The following ABCA10 variants were observed in gnomAD, a reference collection of about 807,000 sequenced individuals.
The protein encoded by ABCA10 is ATP binding cassette subfamily A member 10.
Under a neutral mutation model 187.5 loss-of-function variants are expected in ABCA10, and 169 were observed. That is an observed-to-expected ratio of 0.90 (90% CI 0.80 to 1.02). The LOEUF (loss-of-function observed/expected upper bound fraction) is 1.02, where lower values mean the gene tolerates loss of function less well. Ranked by LOEUF, ABCA10 falls within the 50% of genes least tolerant of loss-of-function variation. The pLI, the probability that ABCA10 is intolerant of heterozygous loss-of-function variation, is 0.00. For synonymous variants in ABCA10, 574 were observed against 601.8 expected (o/e 0.95, Z 0.68); for missense variants, 1,727 against 1,812.4 (o/e 0.95, Z 0.86).
At chr17:69,235,758 A>G (rs1029318366) in intron 1 of ABCA10, among the ~76,000 whole-genome samples, 3 of 151,490 alleles carry the variant, frequency 2.0e-5, no homozygotes, top group Non-Finnish European at 2.9e-5. Context: ...TGTATCTCTC[A>G]TGGTTACTGA....
At position 69,154,224 on chromosome 17, in the gene ABCA10, A is replaced by G. The variant is rs778643341; in HGVS notation, c.3786+11T>C. On this transcript the variant is annotated intron_variant, in intron 31 of 38. Coordinates refer to ENST00000690296, the MANE Select transcript of ABCA10 (RefSeq NM_001377321.1). ...ATATTTAAAATAAAATTTCCTTCAC[A>G]TGTCACATACCACTCCTGCAGTTGG... is the stretch of plus-strand genomic sequence containing the variant. 1 of 1,584,298 alleles carries G rather than the reference A, an allele frequency of 6.3e-7. No individual in the cohort carries two copies. Among genetic ancestry groups the G allele is most frequent in the Non-Finnish European group, 8.6e-7 (1 of 1,166,740 alleles).
At chr17:69,205,507 AAAC>A (rs1268076297) in intron 9 of ABCA10, among the ~76,000 whole-genome samples, 1 of 152,210 alleles carries the variant, frequency 6.6e-6, no homozygotes, top group East Asian at 1.9e-4. Context: ...AAAACAGAAT[AAAC>A]AATAAAATAT....
At chr17:69,164,676 T>A (rs952214124) in intron 26 of ABCA10, among the ~76,000 whole-genome samples, 1 of 152,254 alleles carries the variant, frequency 6.6e-6, no homozygotes, top group East Asian at 1.9e-4. Flanking sequence ...TTTATAACAA[T>A]GGAAAAGTTT....
intron 27 of ABCA10, among the ~76,000 whole-genome samples, chr17:69,162,241 A>G (rs76868481): frequency 0.013 from 1,969 of 152,318 alleles, 49 homozygotes; most frequent in African/African-American, 0.045. Context: ...TACAGGAAAT[A>G]AAACATGGCT....
At chr17:69,211,554 G>T (rs1202483412) in intron 9 of ABCA10, among the ~76,000 whole-genome samples, 1 of 151,182 alleles carries the variant, frequency 6.6e-6, no homozygotes, top group Non-Finnish European at 1.5e-5. Flanking sequence ...AATAGGATAG[G>T]TATCAATTCT....
chr17:69,192,781 C>G, intron 15 of ABCA10, 128 bp from the exon 16 acceptor site: 1 of 822,154 alleles, frequency 1.2e-6, no homozygotes, highest in South Asian at 1.8e-5. Flanking sequence ...TCATTAAGCC[C>G]CTGGGTGCAG....
At position 69,148,532 on chromosome 17, in the gene ABCA10, A is replaced by G. The variant is rs1234911054; in HGVS notation, c.*295T>C. 3.0e-5 allele frequency: 7 copies of G among 229,656 alleles called. No individual in the cohort carries two copies. The highest frequency in any genetic ancestry group is 5.1e-5 in the Non-Finnish European group (6 of 117,730). The allele number at this position is 229,656 out of a possible 1,614,324, so 14.2% of individuals were successfully genotyped here. ...AATGTTCTCAGTGTTAGCTTTATTG[A>G]TAATAACCGATAACCAACCTAATAT... On this transcript the variant is annotated 3_prime_UTR_variant, in exon 39 of 39. Coordinates refer to ENST00000690296, the MANE Select transcript of ABCA10 (RefSeq NM_001377321.1).
intron 6 of ABCA10, among the ~76,000 whole-genome samples, chr17:69,217,524 G>C (rs1021846043): frequency 6.6e-6 from 1 of 152,114 alleles, no homozygotes; most frequent in African/African-American, 2.4e-5. Flanking sequence ...TCCTCCAAAG[G>C]CTGAAGAATT....
intron 11 of ABCA10, among the ~76,000 whole-genome samples, chr17:69,195,832 C>T (rs1185058435): frequency 6.6e-6 from 1 of 151,952 alleles, no homozygotes; most frequent in African/African-American, 2.4e-5. Flanking sequence ...ATCCATTTAA[C>T]CCTGAGTGGA....
chr17:69,199,661 C>G (rs933561297), intron 10 of ABCA10, among the ~76,000 whole-genome samples: 1 of 152,166 alleles, frequency 6.6e-6, no homozygotes, highest in South Asian at 2.1e-4. Context: ...CTTAGGAGAC[C>G]TAAATAACCG....
At chr17:69,223,308 T>C (rs903959978) in intron 3 of ABCA10, among the ~76,000 whole-genome samples, 2 of 152,122 alleles carry the variant, frequency 1.3e-5, no homozygotes, top group African/African-American at 4.8e-5. Flanking sequence ...TAGAGGTAAA[T>C]TGTATACAAA....
chr17:69,158,053 AACAAACAAAAG>A (rs2074187584), intron 27 of ABCA10, among the ~76,000 whole-genome samples: 1 of 152,086 alleles, frequency 6.6e-6, no homozygotes, highest in South Asian at 2.1e-4. Flanking sequence ...AAATACTAGA[AACAAACAAAAG>A]ACAAAAGCTC....
Position 69,151,406 on chromosome 17 carries a change from C to T in ABCA10, c.4397+637G>A, listed in dbSNP as rs142896032. On this transcript the variant is annotated intron_variant, in intron 36 of 38. Coordinates refer to ENST00000690296, the MANE Select transcript of ABCA10 (RefSeq NM_001377321.1). ...TTTTGTTGACTATTCAATACACAGC[C>T]GGCAGCAGATAATACGTATTCAATA... Among the ~76,000 whole-genome samples the T allele has an allele frequency of 1.9e-3, 288 of 151,974 alleles. 1 individual carries two copies. The highest frequency in any genetic ancestry group is 6.6e-3 in the African/African-American group (274 of 41,450).
Position 69,154,282 on chromosome 17 carries a change from T to C in ABCA10, c.3739A>G (p.Thr1247Ala). 1 of 1,612,880 alleles carries C rather than the reference T, an allele frequency of 6.2e-7. No homozygotes were observed. The highest frequency in any genetic ancestry group is 8.5e-7 in the Non-Finnish European group (1 of 1,179,660). ...CACCCAGTTATCATTTTAATGGAAG[T>C]ACTTTTACCAGCTCCATTGTGTCCT... ...LLGHNGAGKS[T>A]SIKMITGCTK... Residue 1247 changes from threonine to alanine, a missense_variant, in exon 31 of 39, where the codon ACT becomes GCT. By Grantham distance (58) the Thr-to-Ala change is moderately conservative. Coordinates refer to ENST00000690296, the MANE Select transcript of ABCA10 (RefSeq NM_001377321.1).
rs757965219 is a variant in ABCA10, at chr17:69,154,324, C to T, written c.3697G>A (p.Glu1233Lys). 1 of 1,595,716 alleles carries T rather than the reference C, an allele frequency of 6.3e-7. No homozygotes were observed. Among genetic ancestry groups the T allele is most frequent in the South Asian group, 1.2e-5 (1 of 86,754 alleles). Residue 1233 changes from glutamate to lysine, a missense_variant and splice_region_variant, in exon 31 of 39, where the codon GAA (glutamate) becomes AAA (lysine). Transcript: ENST00000690296. ...RNVSFCVKKG[E>K]VLGLLGHNGA... Reference sequence around the variant, plus strand: ...TTGTGTCCTAGTAATCCCAAAACTTCACCTGGAAGAAAGAGTCACCATCAA... The same window carrying T: ...TTGTGTCCTAGTAATCCCAAAACTTTACCTGGAAGAAAGAGTCACCATCAA...
rs2074457597 is a variant in ABCA10, at chr17:69,191,254, GA to G, written c.1932del (p.Pro645LeufsTer5). 6.2e-7 allele frequency: 1 copy of G among 1,603,216 alleles called. No homozygotes were observed. The highest frequency in any genetic ancestry group is 1.7e-4 in the Middle Eastern group (1 of 6,022). ...CTTTCTGTTGTTAACTTGGCATCAG[GA>G]ATGTGCTGCTTAATAAGGGATGTGA... ...EKITSLIKQH[I>X]PDAKLTTESE... On this transcript the variant is annotated frameshift_variant, in exon 17 of 39. Transcript: ENST00000690296.
In ABCA10 at chr17:69,148,510, G is replaced by T; in HGVS notation, c.*317C>A. On this transcript the variant is annotated 3_prime_UTR_variant, in exon 39 of 39. Transcript: ENST00000690296. ...AACCTCATATTTTTATTTGTAAAAT[G>T]TTCTCAGTGTTAGCTTTATTGATAA... 1 of 185,146 alleles carries T rather than the reference G, an allele frequency of 5.4e-6. No homozygotes were observed. The highest frequency in any genetic ancestry group is 1.5e-4 in the South Asian group (1 of 6,806). The allele number at this position is 185,146 out of a possible 1,614,324, so 11.5% of individuals were successfully genotyped here.
intron 27 of ABCA10, among the ~76,000 whole-genome samples, chr17:69,162,937 AATCGAT>A (rs2074229161): frequency 6.6e-6 from 1 of 151,676 alleles, no homozygotes; most frequent in South Asian, 2.1e-4. Context: ...CTCCTGGCTC[AATCGAT>A]TCTCCTGCCT....
chr17:69,210,898 G>T (rs1027003733), intron 9 of ABCA10, among the ~76,000 whole-genome samples: 4 of 140,816 alleles, frequency 2.8e-5, no homozygotes, highest in African/African-American at 1.1e-4. Context: ...ATTGATTGAT[G>T]GGCATTTGGG....
Sources: allele counts gnomAD v4.1 joint callset (sites outside exome capture counted in the v4.1 genomes callset), GRCh38; gene constraint gnomAD v4.1.1; transcripts MANE v1.5; gene names NCBI Gene and HGNC (gene_info 2026-07-23, HGNC 2026-07-21).